RYK: variants seen among roughly 807,000 people sequenced by gnomAD.
The protein encoded by RYK is receptor like tyrosine kinase, also known as inactive tyrosine-protein kinase RYK.
A neutral mutation model predicts 70.2 loss-of-function variants in RYK; 21 were observed. The observed-to-expected ratio is 0.30, with a 90% confidence interval of 0.21 to 0.43. The LOEUF is 0.43. RYK is among the 20% of genes least tolerant of loss of function. The probability of loss-of-function intolerance (pLI) is 1.00; values close to 1 mark genes in which losing one functional copy is unlikely to be tolerated. For synonymous variants in RYK, 267 were observed against 278.0 expected (o/e 0.96, Z 0.39); for missense variants, 604 against 753.3 (o/e 0.80, Z 2.32).
At chr3:134,167,277 C>T (rs796345593) in intron 13 of RYK, among the ~76,000 whole-genome samples, 7 of 152,230 alleles carry the variant, frequency 4.6e-5, no homozygotes, top group African/African-American at 1.4e-4. Context: ...AAAAAGAGCC[C>T]GCATTGCCAA....
chr3:134,235,026 TA>T (rs2015165729), intron 1 of RYK, among the ~76,000 whole-genome samples: 4 of 152,090 alleles, frequency 2.6e-5, no homozygotes, highest in Admixed American at 2.6e-4. Flanking sequence ...AAATCATCTG[TA>T]AGATATTTAC....
intron 6 of RYK, 30 bp downstream of exon 6, chr3:134,202,698 ATT>A (rs567930088): frequency 2.5e-6 from 4 of 1,600,100 alleles, no homozygotes; most frequent in East Asian, 4.5e-5. Context: ...AACTGCTTTC[ATT>A]TTTTTTCTTT....
intron 10 of RYK, 38 bp downstream of exon 10, chr3:134,182,964 A>G (rs375042223): frequency 2.0e-5 from 28 of 1,384,374 alleles, no homozygotes; most frequent in Non-Finnish European, 2.7e-5. Context: ...AAGTGTTGCC[A>G]TGCTCAACAC....
intron 1 of RYK, among the ~76,000 whole-genome samples, chr3:134,243,837 C>G (rs959045243): frequency 6.6e-6 from 1 of 152,142 alleles, no homozygotes; most frequent in Non-Finnish European, 1.5e-5. Flanking sequence ...CTTATGTCAA[C>G]CAGCAATATA....
chr3:134,221,630 G>A (rs114638857), intron 2 of RYK, among the ~76,000 whole-genome samples: 2 of 151,928 alleles, frequency 1.3e-5, no homozygotes, highest in African/African-American at 4.8e-5. Flanking sequence ...AAATAACTTG[G>A]AGCAAATATT....
At chr3:134,243,238 A>C (rs2015371432) in intron 1 of RYK, among the ~76,000 whole-genome samples, 1 of 151,334 alleles carries the variant, frequency 6.6e-6, no homozygotes, top group Admixed American at 6.6e-5. Context: ...TTCCTCTGTG[A>C]CTCCTCCCCT....
At chr3:134,243,171 A>T (rs1055008315) in intron 1 of RYK, among the ~76,000 whole-genome samples, 1 of 152,002 alleles carries the variant, frequency 6.6e-6, no homozygotes, top group African/African-American at 2.4e-5. Flanking sequence ...TTGACCAACC[A>T]CTTCTCCCAA....
Position 134,183,011 on chromosome 3 carries a change from A to T in RYK, c.1163T>A (p.Leu388His). The change falls in exon 10 of 15, where the codon CTT becomes CAT. Residue 388 changes from leucine (L) to histidine (H), a missense_variant. Around this residue, in one of 2 missense-constraint regions of RYK, gnomAD observed 466 missense variants for 535.9 expected, o/e 0.87. Coordinates refer to ENST00000623711, the MANE Select transcript of RYK (RefSeq NM_002958.4). The part of the protein sequence containing the change: ...MLTESCKLRG[L>H]HHRNLLPITH... ...TGGTTTCTCCTCTCACCTGTGATGA[A>T]GACCTCGCAGCTTACAACTTTCAGT... 1 of 1,585,024 alleles carries T rather than the reference A, an allele frequency of 6.3e-7. No individual in the cohort carries two copies. The highest frequency in any genetic ancestry group is 1.3e-5 in the African/African-American group (1 of 74,508).
At chr3:134,198,128 G>T (rs942558088) in intron 6 of RYK, among the ~76,000 whole-genome samples, 5 of 152,192 alleles carry the variant, frequency 3.3e-5, no homozygotes, top group Admixed American at 2.0e-4. Context: ...TGGAAAATGA[G>T]ATTAAAATGT....
At chr3:134,210,259 A>G (rs2014350603) in intron 3 of RYK, among the ~76,000 whole-genome samples, 2 of 152,226 alleles carry the variant, frequency 1.3e-5, no homozygotes, top group African/African-American at 4.8e-5. Flanking sequence ...CCAAAATGCA[A>G]GTATGTCTGC....
At chr3:134,184,537 G>C (rs1236766772) in intron 9 of RYK, among the ~76,000 whole-genome samples, 1 of 152,120 alleles carries the variant, frequency 6.6e-6, no homozygotes, top group Non-Finnish European at 1.5e-5. Flanking sequence ...GAAGCAGGGG[G>C]ATCACTTAAA....
At chr3:134,195,917 G>A (rs1278649415) in intron 6 of RYK, among the ~76,000 whole-genome samples, 1 of 151,652 alleles carries the variant, frequency 6.6e-6, no homozygotes, top group Non-Finnish European at 1.5e-5. Flanking sequence ...CTGCACTCCA[G>A]CCTGGGCGAT....
chr3:134,200,213 C>G (rs112749026), intron 6 of RYK, among the ~76,000 whole-genome samples: 1 of 152,138 alleles, frequency 6.6e-6, no homozygotes, highest in Admixed American at 6.5e-5. Flanking sequence ...CTGCTGCTCA[C>G]TCTTTGGGTC....
intron 13 of RYK, among the ~76,000 whole-genome samples, chr3:134,172,141 A>T (rs1418725475): frequency 1.3e-5 from 2 of 152,226 alleles, no homozygotes; most frequent in African/African-American, 4.8e-5. Context: ...TAACAAAATA[A>T]AAATTTTAAA....
chr3:134,187,920 A>AT (rs957126215), intron 9 of RYK, among the ~76,000 whole-genome samples: 4 of 151,968 alleles, frequency 2.6e-5, no homozygotes, highest in Non-Finnish European at 5.9e-5. Context: ...AAATTCTAGT[A>AT]TTTTTTAAAG....
In RYK at chr3:134,191,904, C is replaced by G; in HGVS notation, c.960G>C (p.Val320=). The G allele has an allele frequency of 1.9e-6, 3 of 1,612,684 alleles. No individual in the cohort carries two copies. The highest frequency in any genetic ancestry group is 2.5e-6 in the Non-Finnish European group (3 of 1,178,934). ...SVTLLEAKGK[V]KDIAISRERI... ...TCTCTCTGGATATTGCTATATCCTT[C>G]ACCTTGCCTTTGGCCTCCAAAAGAG... The change falls in exon 8 of 15, where the codon GTG becomes GTC. Residue 320 remains valine (V), a synonymous_variant. Coordinates refer to ENST00000623711, the MANE Select transcript of RYK (RefSeq NM_002958.4).
intron 7 of RYK, among the ~76,000 whole-genome samples, chr3:134,192,857 T>C (rs878954592): frequency 1.3e-5 from 2 of 152,192 alleles, no homozygotes; most frequent in African/African-American, 4.8e-5. Flanking sequence ...TGGCAGCAGT[T>C]TGACTGTGAT....
chr3:134,167,258 T>C (rs1204273035), intron 13 of RYK, among the ~76,000 whole-genome samples: 4 of 152,130 alleles, frequency 2.6e-5, no homozygotes, highest in Non-Finnish European at 4.4e-5. Flanking sequence ...AAAGTTCATA[T>C]GGAACCAAAA....
At chr3:134,236,600 G>A (rs1370612166) in intron 1 of RYK, among the ~76,000 whole-genome samples, 1 of 152,126 alleles carries the variant, frequency 6.6e-6, no homozygotes, top group Admixed American at 6.5e-5. Flanking sequence ...GAAATTGTGA[G>A]CAGGCCAAAA....
Sources: allele counts gnomAD v4.1 joint callset (sites outside exome capture counted in the v4.1 genomes callset), GRCh38; gene constraint gnomAD v4.1.1; regional missense constraint gnomAD v4.1.1; transcripts MANE v1.5; gene names NCBI Gene and HGNC (gene_info 2026-07-23, HGNC 2026-07-21).